Variants in JPT2 observed in about 807,000 individuals in gnomAD.
JPT2 encodes the protein Jupiter microtubule associated homolog 2, also known as CRAMP_1 like.
A neutral mutation model predicts 15.9 loss-of-function variants in JPT2; 9 were observed. The observed-to-expected ratio is 0.57, with a 90% CI of 0.34 to 0.99. The LOEUF (loss-of-function observed/expected upper bound fraction) is 0.99, where lower values mean the gene tolerates loss of function less well. Ranked by LOEUF, JPT2 falls within the 50% of genes least tolerant of loss-of-function variation. The pLI is 0.02. For synonymous variants in JPT2, 95 were observed against 91.7 expected, an observed-to-expected ratio of 1.04 and a Z score of -0.21; for missense variants, 267 against 252.1, an observed-to-expected ratio of 1.06 and a Z score of -0.40.
chr16:1,682,086 G>A (rs564652938), intron 1 of JPT2, among the ~76,000 whole-genome samples: 1 of 152,264 alleles, frequency 6.6e-6, no homozygotes, highest in East Asian at 1.9e-4. Context: ...AAGAAAAATC[G>A]CAGAATTGGC....
chr16:1,698,754 C>G lies in JPT2; in HGVS notation c.386-57C>G. 6.6e-7 allele frequency: 1 copy of G among 1,522,304 alleles called. No homozygotes were observed. The highest frequency in any genetic ancestry group is 1.3e-5 in the South Asian group (1 of 79,382). 94.3% of individuals were successfully genotyped at this position (1,522,304 alleles called of 1,614,324 possible). A position where few individuals can be genotyped will look rare whatever the true frequency, so the allele number is the denominator to read the frequency against. ...CACACTTTTTATTTCCACAGCCTGCCTGTCAGGGTCATGGGTTGCCTCTAA... is the reference window on the plus strand; with the variant it reads ...CACACTTTTTATTTCCACAGCCTGCGTGTCAGGGTCATGGGTTGCCTCTAA... On this transcript the variant is annotated intron_variant, in intron 4 of 4. Transcript: ENST00000248098. This position sits in a 1 kb window ranked among gnomAD's most constrained non-coding sequence, Gnocchi z 4.9.
Position 1,699,019 on chromosome 16 carries a change from G to C in JPT2, c.*21G>C. 1 of 1,610,326 alleles carries C rather than the reference G, an allele frequency of 6.2e-7. No homozygotes were observed. Among genetic ancestry groups the C allele is most frequent in the Non-Finnish European group, 8.5e-7 (1 of 1,177,762 alleles). ...ACTAAGAGAAGCCACTGCTCCACCC[G>C]GAGCCAGACCAGAAACTCAAGAGAT... On this transcript the variant is annotated 3_prime_UTR_variant, in exon 5 of 5. Transcript: ENST00000248098.
downstream of JPT2, chr16:1,702,202 A>C (rs1567473770): frequency 2.2e-6 from 1 of 455,276 alleles, no homozygotes; most frequent in Admixed American, 2.4e-5. Context: ...AGGAGGCTCC[A>C]CACCATTCTG....
At chr16:1,687,279 G>A (rs530762121) in intron 2 of JPT2, among the ~76,000 whole-genome samples, 1 of 152,272 alleles carries the variant, frequency 6.6e-6, no homozygotes, top group South Asian at 2.1e-4. Flanking sequence ...GCACCCTTGT[G>A]CCCGGCCGAA....
At chr16:1,687,084 G>A (rs1259089076) in intron 2 of JPT2, among the ~76,000 whole-genome samples, 1 of 152,216 alleles carries the variant, frequency 6.6e-6, no homozygotes. Flanking sequence ...CCAGGCTCAG[G>A]TGACCCTTTT....
chr16:1,685,186 G>T (rs982866608), intron 1 of JPT2, among the ~76,000 whole-genome samples: 1 of 152,006 alleles, frequency 6.6e-6, no homozygotes, highest in South Asian at 2.1e-4. Flanking sequence ...AAATTAGCCA[G>T]CTGTGGTGGT....
At chr16:1,690,051 A>G (rs974920138) in intron 2 of JPT2, 12 of 152,178 alleles carry the variant, frequency 7.9e-5, no homozygotes, top group African/African-American at 2.7e-4. Context: ...ACCACCTGCA[A>G]AAGGTAGACA....
intron 1 of JPT2, chr16:1,683,558 C>T: frequency 6.5e-7 from 1 of 1,535,630 alleles, no homozygotes; most frequent in Non-Finnish European, 8.7e-7. Context: ...CCCCAGCCTC[C>T]TGAGTGGACA....
chr16:1,700,192 G>A lies in JPT2; in HGVS notation c.*1194G>A, dbSNP rs764238715. On this transcript the variant is annotated 3_prime_UTR_variant, in exon 5 of 5. Coordinates refer to ENST00000248098, the MANE Select transcript of JPT2 (RefSeq NM_144570.3). ...AAACAAGCTTCCAGAAGAGACTAGAGACCTTAGGCCAGGAGATGAAGGAGT... is the reference window on the plus strand; with the variant it reads ...AAACAAGCTTCCAGAAGAGACTAGAAACCTTAGGCCAGGAGATGAAGGAGT... 2.2e-6 allele frequency: 1 copy of A among 455,848 alleles called. No homozygotes were observed. The highest frequency in any genetic ancestry group is 2.0e-5 in the African/African-American group (1 of 50,086). The allele number at this position is 455,848 out of a possible 1,614,324, so 28.2% of individuals were successfully genotyped here.
intron 1 of JPT2, 94 bp from the exon 2 acceptor site, chr16:1,685,345 A>G: frequency 1.5e-6 from 2 of 1,350,728 alleles, no homozygotes; most frequent in Admixed American, 4.5e-5. Flanking sequence ...AAAAAACAAA[A>G]TACTTTTACC....
At chr16:1,686,713 A>C (rs1343121693) in intron 2 of JPT2, 1 of 152,226 alleles carries the variant, frequency 6.6e-6, no homozygotes, top group African/African-American at 2.4e-5. Context: ...AAAAATAGAA[A>C]AAGGTTTCTC....
intron 1 of JPT2, among the ~76,000 whole-genome samples, chr16:1,684,797 G>A (rs2044841659): frequency 6.6e-6 from 1 of 151,940 alleles, no homozygotes; most frequent in Non-Finnish European, 1.5e-5. Context: ...TGTAATCTGA[G>A]CTACTCAGGA....
chr16:1,694,773 T>C (rs1312864915), intron 3 of JPT2, among the ~76,000 whole-genome samples: 1 of 151,968 alleles, frequency 6.6e-6, no homozygotes, highest in Non-Finnish European at 1.5e-5. Context: ...TACAATTGCA[T>C]ATGCACATGC....
intron 1 of JPT2, among the ~76,000 whole-genome samples, chr16:1,684,676 G>T (rs1259451264): frequency 6.6e-6 from 1 of 152,134 alleles, no homozygotes. Flanking sequence ...GGAGGCGGAG[G>T]TTGTGGTGAG....
intron 1 of JPT2, 81 bp downstream of exon 1, chr16:1,678,437 C>CG: frequency 1.0e-5 from 3 of 296,894 alleles, no homozygotes; most frequent in Non-Finnish European, 9.8e-6. Context: ...GTCCACCAGC[C>CG]GTGTGGGGTT....
At chr16:1,685,862 C>T in intron 2 of JPT2, 1 of 282,802 alleles carries the variant, frequency 3.5e-6, no homozygotes, top group Non-Finnish European at 6.5e-6. Context: ...TGCCAGGGAG[C>T]TGCTCCCAAT....
intron 3 of JPT2, among the ~76,000 whole-genome samples, chr16:1,696,720 G>A (rs1324050922): frequency 2.0e-5 from 3 of 152,142 alleles, no homozygotes; most frequent in South Asian, 2.1e-4. Flanking sequence ...AAAACCACCC[G>A]AAAAGATGGT....
rs1596510518 is a variant in JPT2 at position 1,697,849 on chromosome 16, C to T, written c.374C>T (p.Ser125Leu). The change falls in exon 4 of 5, where the codon TCG (serine) becomes TTG (leucine). Residue 125 changes from serine to leucine, a missense_variant. Transcript: ENST00000248098. ...TTATGTGAAGGAGAAGAACCAAAAT[C>T]GGATCTTAAAGGTGAGCTTTTGTTT... ...VFLCEGEEPKSDLKAARSIPA... is the reference protein window; with the variant it reads ...VFLCEGEEPKLDLKAARSIPA... 8.7e-6 allele frequency: 14 copies of T among 1,613,798 alleles called. No individual in the cohort carries two copies. Among genetic ancestry groups the T allele is most frequent in the East Asian group, 2.2e-5 (1 of 44,880 alleles).
chr16:1,680,335 T>C (rs576141986), intron 1 of JPT2: 3 of 1,001,272 alleles, frequency 3.0e-6, no homozygotes, highest in Admixed American at 5.9e-5. Flanking sequence ...GCCGATGTTT[T>C]TATATTGACT....
Sources: allele counts gnomAD v4.1 joint callset (sites outside exome capture counted in the v4.1 genomes callset), GRCh38; gene constraint gnomAD v4.1.1; non-coding constraint Gnocchi (gnomAD v3.1); transcripts MANE v1.5; gene names NCBI Gene and HGNC (gene_info 2026-07-23, HGNC 2026-07-21).